The following PRRX1 variants were observed in gnomAD, a reference collection of about 807,000 sequenced individuals.
The protein encoded by PRRX1 is paired related homeobox 1.
PRRX1 carries 8 observed loss-of-function variants against 24.0 expected under a neutral mutation model. That is an observed-to-expected ratio of 0.33 (90% CI 0.20 to 0.60). The LOEUF is 0.60. Ranked by LOEUF, PRRX1 falls within the 20% of genes least tolerant of loss-of-function variation. PRRX1 has a pLI of 0.82. For synonymous variants in PRRX1, 160 were observed against 131.7 expected, an observed-to-expected ratio of 1.22 and a Z score of -1.47; for missense variants, 281 against 322.4, an observed-to-expected ratio of 0.87 and a Z score of 0.98.
Position 170,719,706 on chromosome 1 carries a change from A to T in PRRX1, c.242-20A>T, listed in dbSNP as rs751830909. 1.2e-6 allele frequency: 2 copies of T among 1,613,630 alleles called. No individual in the cohort carries two copies. Among genetic ancestry groups the T allele is most frequent in the Middle Eastern group, 1.6e-4 (1 of 6,062 alleles). On this transcript the variant is annotated intron_variant, in intron 1 of 3. Transcript: ENST00000239461. ...CCTACAGTGAATTTGGCTTCTTTTC[A>T]TCATTGTGTTCTATTCCAGATGACC...
chr1:170,671,750 C>T (rs895397575), intron 1 of PRRX1, among the ~76,000 whole-genome samples: 1 of 152,010 alleles, frequency 6.6e-6, no homozygotes, highest in African/African-American at 2.4e-5. Context: ...TGAGGGTGGT[C>T]GGGGTTCCAG....
chr1:170,701,523 A>G (rs1272524266), intron 1 of PRRX1, among the ~76,000 whole-genome samples: 1 of 152,226 alleles, frequency 6.6e-6, no homozygotes, highest in Non-Finnish European at 1.5e-5. Flanking sequence ...TACTCAGGCC[A>G]AATGTTTTGC....
chr1:170,702,971 A>G lies in PRRX1; in HGVS notation c.242-16755A>G, dbSNP rs896985667. 6.6e-5 allele frequency among the ~76,000 whole-genome samples: 10 copies of G among 152,218 alleles called. No homozygotes were observed. In the East Asian group the frequency reaches 1.7e-3, roughly 26 times the overall value. On this transcript the variant is annotated intron_variant, in intron 1 of 3. Coordinates refer to ENST00000239461, the MANE Select transcript of PRRX1 (RefSeq NM_022716.4). The stretch of plus-strand genomic sequence containing the variant: ...TTTATAACCATTTGATCAAGAGAAG[A>G]ACAGAAATATCTTGCAGGCTGGAAC...
At chr1:170,704,684 A>C (rs1221048630) in intron 1 of PRRX1, among the ~76,000 whole-genome samples, 1 of 152,216 alleles carries the variant, frequency 6.6e-6, no homozygotes, top group East Asian at 1.9e-4. Flanking sequence ...ACTTCATGAG[A>C]GTCTTTGTTG....
chr1:170,715,910 G>A (rs1049452464), intron 1 of PRRX1, among the ~76,000 whole-genome samples: 3 of 152,122 alleles, frequency 2.0e-5, no homozygotes, highest in Non-Finnish European at 4.4e-5. Flanking sequence ...TGTGTTGGAT[G>A]CTTTGTTGTT....
chr1:170,720,870 C>A lies in PRRX1; in HGVS notation c.417+969C>A, dbSNP rs533627513. On this transcript the variant is annotated intron_variant, in intron 2 of 3. Coordinates refer to ENST00000239461, the MANE Select transcript of PRRX1 (RefSeq NM_022716.4). ...GACATCTAGAACATGATACAACCTG[C>A]GATTAACTCATAACAATACGTAATA... 2.0e-5 allele frequency among the ~76,000 whole-genome samples: 3 copies of A among 152,178 alleles called. No homozygotes were observed. In the East Asian group the frequency reaches 5.8e-4, roughly 29 times the overall value.
At chr1:170,679,809 T>G (rs1344924883) in intron 1 of PRRX1, among the ~76,000 whole-genome samples, 1 of 152,230 alleles carries the variant, frequency 6.6e-6, no homozygotes, top group Admixed American at 6.5e-5. Context: ...ATGGATGATG[T>G]TTGCAATTTA....
chr1:170,732,869 T>C (rs1655480583), intron 3 of PRRX1, among the ~76,000 whole-genome samples: 1 of 152,170 alleles, frequency 6.6e-6, no homozygotes, highest in African/African-American at 2.4e-5. Flanking sequence ...AATCCACTAA[T>C]TTGAGGGATA....
intron 1 of PRRX1, among the ~76,000 whole-genome samples, chr1:170,718,834 A>G (rs1654992383): frequency 6.6e-6 from 1 of 152,124 alleles, no homozygotes; most frequent in African/African-American, 2.4e-5. Flanking sequence ...GCAGGAGAGG[A>G]GCATACTACA....
At chr1:170,680,697 C>T (rs970743416) in intron 1 of PRRX1, among the ~76,000 whole-genome samples, 2 of 152,216 alleles carry the variant, frequency 1.3e-5, no homozygotes, top group African/African-American at 4.8e-5. Flanking sequence ...TCACGCCTTG[C>T]AGATGCTGGC....
At chr1:170,681,121 T>C (rs1359886989) in intron 1 of PRRX1, among the ~76,000 whole-genome samples, 3 of 152,220 alleles carry the variant, frequency 2.0e-5, no homozygotes, top group Admixed American at 6.5e-5. Flanking sequence ...TTGAGTACCA[T>C]AATGGATCAG....
At chr1:170,711,762 C>T (rs1654760656) in intron 1 of PRRX1, among the ~76,000 whole-genome samples, 1 of 152,202 alleles carries the variant, frequency 6.6e-6, no homozygotes, top group African/African-American at 2.4e-5. Context: ...GCCTCATCCT[C>T]AGCTCTGTTT....
chr1:170,689,351 C>A (rs908242724), intron 1 of PRRX1, among the ~76,000 whole-genome samples: 1 of 152,060 alleles, frequency 6.6e-6, no homozygotes, highest in Non-Finnish European at 1.5e-5. Context: ...AACAATATTC[C>A]TGGCTATCTC....
chr1:170,683,310 C>T (rs908367762), intron 1 of PRRX1, among the ~76,000 whole-genome samples: 3 of 152,122 alleles, frequency 2.0e-5, no homozygotes, highest in African/African-American at 7.2e-5. Flanking sequence ...CAGCAGTGGT[C>T]GGCACCCAGA....
intron 1 of PRRX1, among the ~76,000 whole-genome samples, chr1:170,673,758 T>C (rs593479): frequency 0.6 from 91,509 of 152,092 alleles, 29,026 homozygotes; most frequent in Middle Eastern, 0.82. Flanking sequence ...ATGCAAGACT[T>C]ATGCACTTCA....
chr1:170,713,122 A>G (rs1023557876), intron 1 of PRRX1, among the ~76,000 whole-genome samples: 1 of 152,196 alleles, frequency 6.6e-6, no homozygotes, highest in African/African-American at 2.4e-5. Flanking sequence ...TCAGGAATAC[A>G]TTAGTATTAT....
chr1:170,736,861 G>T lies in PRRX1; in HGVS notation c.*675G>T, dbSNP rs1227690957. Reference sequence around the variant, plus strand: ...CGTCTGGCTAATTCTAAGCACTAAAGTCTACATCTAAGCTATAGATTTAAG... The same window carrying T: ...CGTCTGGCTAATTCTAAGCACTAAATTCTACATCTAAGCTATAGATTTAAG... On this transcript the variant is annotated 3_prime_UTR_variant, in exon 4 of 4. Transcript: ENST00000239461. 1.0e-5 allele frequency: 2 copies of T among 196,054 alleles called. No homozygotes were observed. The highest frequency in any genetic ancestry group is 1.6e-4 in the East Asian group (2 of 12,850). 12.1% of individuals were successfully genotyped at this position (196,054 alleles called of 1,614,324 possible). A position where few individuals can be genotyped will look rare whatever the true frequency, so the allele number is the denominator to read the frequency against.
intron 1 of PRRX1, among the ~76,000 whole-genome samples, chr1:170,665,594 A>G (rs1652892419): frequency 6.6e-6 from 1 of 152,250 alleles, no homozygotes; most frequent in Non-Finnish European, 1.5e-5. Context: ...GGGGCCCTCC[A>G]GCATTCTATG....
chr1:170,731,016 A>T (rs1357466071), intron 3 of PRRX1, among the ~76,000 whole-genome samples: 1 of 152,216 alleles, frequency 6.6e-6, no homozygotes, highest in Non-Finnish European at 1.5e-5. Flanking sequence ...CTTACCAATG[A>T]AATGTGCAAG....
Sources: gnomAD v4.1 joint callset for allele counts (sites outside exome capture counted in the v4.1 genomes callset) on GRCh38, gnomAD v4.1.1 for gene constraint, MANE v1.5 for transcripts, NCBI Gene and HGNC (gene_info 2026-07-23, HGNC 2026-07-21) for gene names.